Variants in KDM2A observed in about 807,000 individuals in gnomAD.
KDM2A encodes lysine-specific demethylase 2A.
KDM2A carries 3 observed loss-of-function variants against 137.3 expected under a neutral mutation model. That is an observed-to-expected ratio of 0.02 (90% CI 0.01 to 0.06). KDM2A has a LOEUF of 0.06. Ranked by LOEUF, KDM2A falls within the 10% of genes least tolerant of loss-of-function variation. KDM2A has a pLI of 1.00. For missense variants in KDM2A, 738 were observed against 1,510.6 expected, an observed-to-expected ratio of 0.49 and a Z score of 8.48; for synonymous variants, 512 against 541.5, an observed-to-expected ratio of 0.95 and a Z score of 0.76.
chr11:67,207,979 G>A (rs1320633396), intron 6 of KDM2A, among the ~76,000 whole-genome samples: 3 of 152,016 alleles, frequency 2.0e-5, no homozygotes, highest in Admixed American at 6.6e-5. Context: ...TGCAGTGACC[G>A]GTGATTGCAC....
At chr11:67,123,055 C>T (rs1590697709) in intron 2 of KDM2A, among the ~76,000 whole-genome samples, 1 of 152,030 alleles carries the variant, frequency 6.6e-6, no homozygotes, top group East Asian at 1.9e-4. Flanking sequence ...ACTGTAGCCT[C>T]AAATTCCTGG....
rs77198734 is a variant in KDM2A, at chr11:67,180,027, G to C, written c.43-52G>C. ...GTAGGGAAATCTATGACCACTTGTA[G>C]GTAGGCATGAAAAAGTGCATGATTT... is the stretch of plus-strand genomic sequence containing the variant. On this transcript the variant is annotated intron_variant, in intron 2 of 20. Coordinates refer to ENST00000529006, the MANE Select transcript of KDM2A (RefSeq NM_012308.3). 3.6e-3 allele frequency: 5,596 copies of C among 1,568,856 alleles called. 13 individuals carry two copies. Among genetic ancestry groups the C allele is most frequent in the Non-Finnish European group, 4.2e-3 (4,895 of 1,155,068 alleles).
intron 6 of KDM2A, among the ~76,000 whole-genome samples, chr11:67,214,206 A>AGTTTTTTT (rs1858084254): frequency 1.9e-4 from 1 of 5,156 alleles, no homozygotes; most frequent in African/African-American, 3.4e-4. Context: ...ATGCGCAGCT[A>AGTTTTTTT]ATTTTTTTTT....
chr11:67,219,100 A>G (rs1436413226), intron 9 of KDM2A, among the ~76,000 whole-genome samples, 188 bp from the exon 10 acceptor site: 1 of 152,256 alleles, frequency 6.6e-6, no homozygotes, highest in African/African-American at 2.4e-5. Context: ...ATGAGCAACC[A>G]TAAGAGGTAT....
At chr11:67,234,655 G>C (rs1344573149) in intron 12 of KDM2A, among the ~76,000 whole-genome samples, 1 of 152,196 alleles carries the variant, frequency 6.6e-6, no homozygotes, top group Non-Finnish European at 1.5e-5. Context: ...GATCTCTTGA[G>C]ACCAGCCTGG....
intron 12 of KDM2A, chr11:67,240,290 CCAGTA>C: frequency 6.5e-7 from 1 of 1,535,632 alleles, no homozygotes. Context: ...AGGAGAACTT[CCAGTA>C]CAGAAAACAA....
At chr11:67,251,225 A>T (rs997254827) in intron 17 of KDM2A, among the ~76,000 whole-genome samples, 1 of 152,160 alleles carries the variant, frequency 6.6e-6, no homozygotes, top group Non-Finnish European at 1.5e-5. Context: ...CCCTGACTCA[A>T]TTACCTCTCC....
At chr11:67,150,364 G>A (rs554814410) in intron 2 of KDM2A, among the ~76,000 whole-genome samples, 1 of 152,246 alleles carries the variant, frequency 6.6e-6, no homozygotes, top group South Asian at 2.1e-4. Context: ...CCACCTTGTT[G>A]GGCCAAAGGA....
At chr11:67,209,693 C>G (rs1222525254) in intron 6 of KDM2A, among the ~76,000 whole-genome samples, 1 of 152,156 alleles carries the variant, frequency 6.6e-6, no homozygotes, top group Non-Finnish European at 1.5e-5. Flanking sequence ...ATCCACCTGT[C>G]TCAGCCTCCC....
At chr11:67,190,764 A>G (rs1857333104) in intron 5 of KDM2A, among the ~76,000 whole-genome samples, 1 of 152,240 alleles carries the variant, frequency 6.6e-6, no homozygotes, top group Non-Finnish European at 1.5e-5. Flanking sequence ...CTTTAAAAAA[A>G]AAAATACTAC....
chr11:67,136,596 G>C (rs1182557999), intron 2 of KDM2A, among the ~76,000 whole-genome samples: 1 of 152,148 alleles, frequency 6.6e-6, no homozygotes, highest in Non-Finnish European at 1.5e-5. Context: ...AGAATTCCTT[G>C]AGATTGAGTG....
chr11:67,127,652 T>C (rs1855760531), intron 2 of KDM2A, among the ~76,000 whole-genome samples: 1 of 152,146 alleles, frequency 6.6e-6, no homozygotes, highest in Non-Finnish European at 1.5e-5. Flanking sequence ...CCTTTGAAAG[T>C]GCCTCCCCAA....
intron 5 of KDM2A, among the ~76,000 whole-genome samples, chr11:67,192,573 T>C (rs1857384577): frequency 6.7e-6 from 1 of 149,122 alleles, no homozygotes; most frequent in South Asian, 2.1e-4. Context: ...GCCTCCCGAG[T>C]AGCTGGGATT....
intron 2 of KDM2A, among the ~76,000 whole-genome samples, chr11:67,135,301 C>T (rs188270624): frequency 4.6e-5 from 7 of 152,202 alleles, no homozygotes; most frequent in African/African-American, 9.6e-5. Flanking sequence ...CTCTTGACCT[C>T]GTTCCACCTG....
At chr11:67,215,708 A>C in intron 7 of KDM2A, 148 bp from the exon 8 acceptor site, 1 of 712,810 alleles carries the variant, frequency 1.4e-6, no homozygotes, top group East Asian at 2.5e-5. Context: ...TAATGTGATG[A>C]CTTGAAAATG....
At position 67,250,005 on chromosome 11, in the gene KDM2A, G is replaced by T; in HGVS notation, c.2056-81G>T. ...CTTTCTTCTCTCTGGTCCCCTGAGA[G>T]CAAGGGAGGTCCACCCTGTCGGTTC... On this transcript the variant is annotated intron_variant, in intron 16 of 20. Coordinates refer to ENST00000529006, the MANE Select transcript of KDM2A (RefSeq NM_012308.3). This position sits in a 1 kb window ranked among gnomAD's most constrained non-coding sequence, Gnocchi z 7.1. 3.4e-6 allele frequency: 4 copies of T among 1,162,740 alleles called. No individual in the cohort carries two copies. Among genetic ancestry groups the T allele is most frequent in the Non-Finnish European group, 4.8e-6 (4 of 827,336 alleles). The allele number at this position is 1,162,740 out of a possible 1,614,324, so 72.0% of individuals were successfully genotyped here.
At chr11:67,204,545 G>C (rs1320777987) in intron 5 of KDM2A, among the ~76,000 whole-genome samples, 1 of 150,254 alleles carries the variant, frequency 6.7e-6, no homozygotes, top group Non-Finnish European at 1.5e-5. Context: ...AGGCTGGAGT[G>C]CAGTGGTGTG....
intron 12 of KDM2A, 25 bp from the exon 13 acceptor site, chr11:67,242,984 T>G: frequency 6.2e-7 from 1 of 1,603,074 alleles, no homozygotes; most frequent in South Asian, 1.1e-5. Context: ...CCCTGATTTT[T>G]CCTTCTTTTC....
intron 10 of KDM2A, among the ~76,000 whole-genome samples, chr11:67,225,081 G>C (rs1858497688): frequency 6.6e-6 from 1 of 151,862 alleles, no homozygotes; most frequent in Non-Finnish European, 1.5e-5. Context: ...ACTTGCCTTG[G>C]CCTCCCAAAG....
Sources: gnomAD v4.1 joint callset for allele counts (sites outside exome capture counted in the v4.1 genomes callset) on GRCh38, gnomAD v4.1.1 for gene constraint, Gnocchi (gnomAD v3.1) non-coding constraint, MANE v1.5 for transcripts, NCBI Gene and HGNC (gene_info 2026-07-23, HGNC 2026-07-21) for gene names.